ARHGAP24: variants seen among roughly 807,000 people sequenced by gnomAD.
The protein encoded by ARHGAP24 is rho GTPase-activating protein 24.
ARHGAP24 carries 50 observed loss-of-function variants against 76.4 expected under a neutral mutation model. The ratio of observed to expected loss-of-function variants is 0.65; its 90% CI spans 0.52 to 0.83. The LOEUF is 0.83. ARHGAP24 is among the 40% of genes least tolerant of loss of function. The probability of loss-of-function intolerance (pLI) is 0.00; values close to 1 mark genes in which losing one functional copy is unlikely to be tolerated. For synonymous variants in ARHGAP24, 345 were observed against 323.3 expected (o/e 1.07, Z -0.72); for missense variants, 930 against 914.2 (o/e 1.02, Z -0.22).
chr4:85,569,011 G>A (rs1281230409), intron 1 of ARHGAP24, among the ~76,000 whole-genome samples: 2 of 152,198 alleles, frequency 1.3e-5, no homozygotes, highest in Non-Finnish European at 2.9e-5. Context: ...AGAACTTGAA[G>A]TGCAATTATG....
intron 2 of ARHGAP24, among the ~76,000 whole-genome samples, chr4:85,693,648 G>T (rs748335023): frequency 3.3e-5 from 5 of 152,212 alleles, no homozygotes; most frequent in African/African-American, 7.2e-5. Context: ...CACCAGCCAG[G>T]TCAACAACAG....
intron 3 of ARHGAP24, chr4:85,778,568 A>T: frequency 1.5e-6 from 1 of 684,920 alleles, no homozygotes; most frequent in Non-Finnish European, 1.8e-6. Context: ...AATTATATTT[A>T]AGGTCCTGAT....
chr4:85,667,627 A>T (rs1722682767), intron 2 of ARHGAP24, among the ~76,000 whole-genome samples: 1 of 152,166 alleles, frequency 6.6e-6, no homozygotes, highest in African/African-American at 2.4e-5. Context: ...AGCTGTTCCT[A>T]TTCGGCCATC....
At chr4:85,668,169 A>G (rs1286699671) in intron 2 of ARHGAP24, among the ~76,000 whole-genome samples, 1 of 152,238 alleles carries the variant, frequency 6.6e-6, no homozygotes, top group Non-Finnish European at 1.5e-5. Context: ...TTATTAAACT[A>G]CACTTGCCCT....
intron 3 of ARHGAP24, among the ~76,000 whole-genome samples, chr4:85,858,691 G>A (rs1731720247): frequency 6.6e-6 from 1 of 152,046 alleles, no homozygotes; most frequent in South Asian, 2.1e-4. Flanking sequence ...TGTCTTGTAA[G>A]ATATGAAATT....
intron 2 of ARHGAP24, among the ~76,000 whole-genome samples, chr4:85,706,673 C>A (rs1343130079): frequency 6.6e-6 from 1 of 151,782 alleles, no homozygotes; most frequent in East Asian, 1.9e-4. Context: ...TCAAGTGATT[C>A]TCCTGCCTCA....
intron 7 of ARHGAP24, among the ~76,000 whole-genome samples, chr4:85,977,326 CAG>C (rs1491521305): frequency 6.6e-6 from 1 of 152,062 alleles, no homozygotes; most frequent in Non-Finnish European, 1.5e-5. Flanking sequence ...CTTTGATTGA[CAG>C]AGGAAATCAA....
At chr4:85,875,568 A>ATATTTT (rs1560689168) in intron 3 of ARHGAP24, among the ~76,000 whole-genome samples, 2 of 30,364 alleles carry the variant, frequency 6.6e-5, no homozygotes, top group African/African-American at 1.5e-4. Context: ...TTTTTATATT[A>ATATTTT]TATAATATAT....
intron 2 of ARHGAP24, among the ~76,000 whole-genome samples, chr4:85,604,673 ACCT>A (rs1283199875): frequency 1.3e-5 from 2 of 151,934 alleles, no homozygotes; most frequent in Non-Finnish European, 2.9e-5. Flanking sequence ...TGCAACCCCC[ACCT>A]CCTGGGTTCA....
chr4:85,935,026 A>ACTAT (rs371708171), intron 4 of ARHGAP24, among the ~76,000 whole-genome samples: 8 of 152,344 alleles, frequency 5.3e-5, no homozygotes, highest in African/African-American at 1.9e-4. Context: ...GTACAGTGTT[A>ACTAT]CTATCTATTC....
At chr4:85,799,014 C>G (rs1347793123) in intron 3 of ARHGAP24, among the ~76,000 whole-genome samples, 4 of 151,940 alleles carry the variant, frequency 2.6e-5, no homozygotes, top group East Asian at 1.9e-4. Context: ...TATGAACCAC[C>G]CTATGGTACT....
At chr4:85,810,573 C>A (rs1728969593) in intron 3 of ARHGAP24, among the ~76,000 whole-genome samples, 1 of 152,104 alleles carries the variant, frequency 6.6e-6, no homozygotes, top group Non-Finnish European at 1.5e-5. Context: ...TCCCTTTATA[C>A]CATTTAATTT....
intron 3 of ARHGAP24, among the ~76,000 whole-genome samples, chr4:85,829,132 G>C (rs1729864465): frequency 6.6e-6 from 1 of 152,066 alleles, no homozygotes; most frequent in Admixed American, 6.6e-5. Context: ...ATGTCAACCT[G>C]TGGAATGTAC....
intron 2 of ARHGAP24, among the ~76,000 whole-genome samples, chr4:85,700,472 C>CAAAAGAGG (rs1413610454): frequency 2.0e-5 from 3 of 150,514 alleles, no homozygotes; most frequent in African/African-American, 7.3e-5. Context: ...TGACGTGGTG[C>CAAAAGAGG]AAAAGAGGAA....
At chr4:85,728,908 C>G (rs1433580170) in intron 3 of ARHGAP24, among the ~76,000 whole-genome samples, 1 of 152,078 alleles carries the variant, frequency 6.6e-6, no homozygotes, top group Non-Finnish European at 1.5e-5. Context: ...AAAATGTAAG[C>G]CAATATTTGA....
intron 8 of ARHGAP24, 133 bp downstream of exon 8, chr4:85,977,824 T>A: frequency 9.1e-7 from 1 of 1,102,934 alleles, no homozygotes; most frequent in South Asian, 1.4e-5. Context: ...TAACTGAAGT[T>A]CTTTAAATGT....
chr4:85,815,682 T>A (rs1729206319), intron 3 of ARHGAP24, among the ~76,000 whole-genome samples: 2 of 152,230 alleles, frequency 1.3e-5, no homozygotes. Flanking sequence ...TCCCATATTT[T>A]CCTGTCTTCT....
intron 2 of ARHGAP24, among the ~76,000 whole-genome samples, chr4:85,716,969 CT>C (rs1724756641): frequency 6.6e-6 from 1 of 152,060 alleles, no homozygotes; most frequent in Non-Finnish European, 1.5e-5. Flanking sequence ...CTAACCTAAC[CT>C]GAAGCCAGAG....
chr4:85,561,811 A>G (rs751867488), intron 1 of ARHGAP24, among the ~76,000 whole-genome samples: 13 of 152,188 alleles, frequency 8.5e-5, no homozygotes, highest in Non-Finnish European at 1.5e-4. Context: ...GAAGGCCTCC[A>G]TCCTCAAGGT....
Sources: allele counts gnomAD v4.1 joint callset (sites outside exome capture counted in the v4.1 genomes callset), GRCh38; gene constraint gnomAD v4.1.1; transcripts MANE v1.5; gene names NCBI Gene and HGNC (gene_info 2026-07-23, HGNC 2026-07-21).